Variants in REPS2 observed in about 807,000 individuals in gnomAD.
The protein encoded by REPS2 is ralBP1-associated Eps domain-containing protein 2.
REPS2 carries 23 observed loss-of-function variants against 53.6 expected under a neutral mutation model. The ratio of observed to expected loss-of-function variants is 0.43; its 90% confidence interval spans 0.31 to 0.61. The LOEUF (loss-of-function observed/expected upper bound fraction) is 0.61, where lower values mean the gene tolerates loss of function less well. REPS2 is among the 20% of genes least tolerant of loss of function. The pLI, the probability that REPS2 is intolerant of heterozygous loss-of-function variation, is 0.11. For missense variants in REPS2, 446 were observed against 534.9 expected (o/e 0.83, Z 1.64); for synonymous variants, 238 against 218.6 (o/e 1.09, Z -0.78).
chrX:17,100,679 C>T (rs2062779867), intron 13 of REPS2, among the ~76,000 whole-genome samples: 1 of 112,509 alleles, frequency 8.9e-6, no homozygotes, highest in African/African-American at 3.2e-5. Context: ...CCCATTATCA[C>T]CATTTAAATT....
At chrX:17,101,030 G>GT (rs932194874) in intron 13 of REPS2, among the ~76,000 whole-genome samples, 7 of 103,357 alleles carry the variant, frequency 6.8e-5, no homozygotes, top group Non-Finnish European at 1.2e-4. Context: ...GCCAACTCTT[G>GT]TTTTTTTTTC....
At chrX:17,126,338 T>C (rs2063210783) in intron 14 of REPS2, among the ~76,000 whole-genome samples, 1 of 111,620 alleles carries the variant, frequency 9.0e-6, no homozygotes, top group South Asian at 3.8e-4. Context: ...CAGTGGAGAA[T>C]GCACCTCCCC....
intron 8 of REPS2, among the ~76,000 whole-genome samples, chrX:17,055,301 T>G (rs1330593307): frequency 1.8e-5 from 1 of 55,905 alleles, no homozygotes; most frequent in Non-Finnish European, 3.3e-5. Context: ...TGTTGTAGGT[T>G]GCCTGTTCAC....
intron 13 of REPS2, among the ~76,000 whole-genome samples, chrX:17,088,275 G>T (rs1269764317): frequency 9.0e-6 from 1 of 111,660 alleles, no homozygotes; most frequent in African/African-American, 3.3e-5. Context: ...AAATGCTTAG[G>T]AGGAATGCAT....
intron 1 of REPS2, among the ~76,000 whole-genome samples, chrX:17,003,024 C>T (rs1439036749): frequency 1.8e-5 from 2 of 111,744 alleles, no homozygotes; most frequent in Admixed American, 9.5e-5. Context: ...AAGACTAATT[C>T]AACATTTATT....
intron 1 of REPS2, among the ~76,000 whole-genome samples, chrX:17,002,034 T>C (rs1189123480): frequency 6.3e-5 from 7 of 111,838 alleles, no homozygotes; most frequent in South Asian, 7.5e-4. Flanking sequence ...CCAAACCATA[T>C]CATGTTGTAT....
chrX:17,104,990 C>T lies in REPS2; in HGVS notation c.1578+1211C>T, dbSNP rs773579760. Among the ~76,000 whole-genome samples the T allele has an allele frequency of 1.4e-3, 161 of 111,133 alleles. 2 individuals are homozygous for T. Among genetic ancestry groups the T allele is most frequent in the Admixed American group, 2.0e-3 (21 of 10,468 alleles). ...CTTTCAGTGCATTATTTAATCCTCA[C>T]AAAACCCCTCTGAGGTAGATACAGG... On this transcript the variant is annotated intron_variant, in intron 14 of 17. Transcript: ENST00000357277.
intron 8 of REPS2, 100 bp from the exon 9 acceptor site, chrX:17,062,338 T>G: frequency 1.7e-6 from 1 of 598,826 alleles, no homozygotes; most frequent in Non-Finnish European, 2.7e-6. Context: ...AGCTAGCTGA[T>G]TTTGTTGTTA....
At chrX:17,142,651 A>G (rs1271829116) in intron 17 of REPS2, among the ~76,000 whole-genome samples, 2 of 112,050 alleles carry the variant, frequency 1.8e-5, no homozygotes, top group South Asian at 3.7e-4. Flanking sequence ...TTAAACCACA[A>G]TTACATACCA....
At chrX:16,999,142 T>C (rs768186394) in intron 1 of REPS2, among the ~76,000 whole-genome samples, 2 of 112,319 alleles carry the variant, frequency 1.8e-5, no homozygotes, top group Non-Finnish European at 3.8e-5. Flanking sequence ...ATTAAACTAA[T>C]ATCTTAGATG....
intron 13 of REPS2, among the ~76,000 whole-genome samples, chrX:17,086,453 A>G (rs2062537927): frequency 8.9e-6 from 1 of 112,338 alleles, no homozygotes; most frequent in Non-Finnish European, 1.9e-5. Context: ...GTGTCAGTGA[A>G]TGTTTAACAA....
At chrX:17,166,574 C>A in the REPS2 span, among the ~76,000 whole-genome samples, 2 of 112,024 alleles carry the variant, frequency 1.8e-5, no homozygotes, top group African/African-American at 6.5e-5. Context: ...TATAGAAAAA[C>A]GAATCCACCC....
At chrX:17,030,728 A>G (rs1433329977) in intron 5 of REPS2, among the ~76,000 whole-genome samples, 2 of 112,552 alleles carry the variant, frequency 1.8e-5, no homozygotes, top group Admixed American at 9.4e-5. Flanking sequence ...TTCTAATAGT[A>G]TAAGTGAGTT....
At chrX:16,960,857 A>C (rs1205710495) in intron 1 of REPS2, among the ~76,000 whole-genome samples, 1 of 112,345 alleles carries the variant, frequency 8.9e-6, no homozygotes, top group Non-Finnish European at 1.9e-5. Flanking sequence ...ATTTATGATA[A>C]CATAAAAATA....
chrX:17,057,807 A>G (rs1189238541), intron 8 of REPS2, among the ~76,000 whole-genome samples: 2 of 112,942 alleles, frequency 1.8e-5, no homozygotes, highest in African/African-American at 3.2e-5. Context: ...TGACGCCTAC[A>G]TGGCTCTCAT....
intron 10 of REPS2, among the ~76,000 whole-genome samples, chrX:17,069,323 G>A (rs2147973469): frequency 8.9e-6 from 1 of 112,372 alleles, no homozygotes; most frequent in African/African-American, 3.2e-5. Context: ...CCATGAATGA[G>A]AGGCTTATTT....
intron 1 of REPS2, among the ~76,000 whole-genome samples, chrX:16,961,505 G>C (rs1471841251): frequency 9.0e-6 from 1 of 111,639 alleles, no homozygotes; most frequent in East Asian, 2.8e-4. Flanking sequence ...TGGAAAAGAA[G>C]ACCTAAATGT....
intron 13 of REPS2, among the ~76,000 whole-genome samples, chrX:17,084,256 A>T (rs1437974446): frequency 1.8e-5 from 2 of 112,150 alleles, no homozygotes; most frequent in Non-Finnish European, 3.8e-5. Context: ...TCAATACTTC[A>T]TTCCTTTTAT....
intron 5 of REPS2, among the ~76,000 whole-genome samples, chrX:17,043,016 C>T (rs2061854162): frequency 9.0e-6 from 1 of 111,236 alleles, no homozygotes; most frequent in South Asian, 3.8e-4. Flanking sequence ...AGGCTGGTCT[C>T]AAACTCCTAG....
Sources: allele counts gnomAD v4.1 joint callset (sites outside exome capture counted in the v4.1 genomes callset), GRCh38; gene constraint gnomAD v4.1.1; transcripts MANE v1.5; gene names NCBI Gene and HGNC (gene_info 2026-07-23, HGNC 2026-07-21).